Variants in INTS10 observed in about 807,000 individuals in gnomAD.
INTS10 encodes integrator complex subunit 10, also known as chromosome 8 open reading frame 35.
In INTS10, 44 loss-of-function variants were observed where a neutral mutation model predicts 94.4. That is an observed-to-expected ratio of 0.47 (90% CI 0.37 to 0.60). INTS10 has a LOEUF of 0.60. INTS10 is among the 20% of genes least tolerant of loss of function. The probability of loss-of-function intolerance (pLI) is 0.00; values close to 1 mark genes in which losing one functional copy is unlikely to be tolerated. For synonymous variants in INTS10, 341 were observed against 320.7 expected (o/e 1.06, Z -0.68); for missense variants, 797 against 868.7 (o/e 0.92, Z 1.04).
At position 19,844,063 on chromosome 8, in the gene INTS10, C is replaced by A; in HGVS notation, c.1720-13C>A. 2 of 1,574,866 alleles carry A rather than the reference C, an allele frequency of 1.3e-6. No individual in the cohort carries two copies. The highest frequency in any genetic ancestry group is 1.7e-6 in the Non-Finnish European group (2 of 1,160,884). ...CCTTTTCCTTCTGTCTTGTATAAATCTTTGTCTTGCAGCTTAGAGCTTTCA... is the reference window on the plus strand; with the variant it reads ...CCTTTTCCTTCTGTCTTGTATAAATATTTGTCTTGCAGCTTAGAGCTTTCA... On this transcript the variant is annotated splice_polypyrimidine_tract_variant and intron_variant, in intron 14 of 16. Transcript: ENST00000397977.
chr8:19,847,799 G>C (rs576914709), intron 16 of INTS10, among the ~76,000 whole-genome samples: 3 of 152,298 alleles, frequency 2.0e-5, no homozygotes, highest in Admixed American at 2.0e-4. Context: ...GGAGTGTTGG[G>C]TACCAGCTAG....
chr8:19,823,827 G>A lies in INTS10; in HGVS notation c.665-46G>A. 5.5e-6 allele frequency: 8 copies of A among 1,457,888 alleles called. No homozygotes were observed. The Middle Eastern group carries it at 1.1e-3, about 199-fold the overall frequency. The allele number at this position is 1,457,888 out of a possible 1,614,324, so 90.3% of individuals were successfully genotyped here. A position where few individuals can be genotyped will look rare whatever the true frequency, so the allele number is the denominator to read the frequency against. Reference sequence around the variant, plus strand: ...TTCTTTATCAGGTACCATGTCAACAGTAAGTCATAATGTTAATTGTAGGCT... The same window carrying A: ...TTCTTTATCAGGTACCATGTCAACAATAAGTCATAATGTTAATTGTAGGCT... On this transcript the variant is annotated intron_variant, in intron 6 of 16. Transcript: ENST00000397977.
At position 19,851,809 on chromosome 8, in the gene INTS10, G is replaced by T. The variant is rs1351565832; in HGVS notation, c.*4G>T. The T allele has an allele frequency of 6.2e-7, 1 of 1,613,820 alleles. No individual in the cohort carries two copies. Among genetic ancestry groups the T allele is most frequent in the African/African-American group, 1.3e-5 (1 of 75,036 alleles). On this transcript the variant is annotated 3_prime_UTR_variant, in exon 17 of 17. Transcript: ENST00000397977. This position sits in a 1 kb window ranked among gnomAD's most constrained non-coding sequence, Gnocchi z 5.0. ...GCTCCTTCAGACTCTGACCTGAGTG[G>T]AGACCTTTCCACCAGACACAGCTCG...
At chr8:19,821,088 C>A (rs1052273479) in intron 4 of INTS10, 3 of 134,162 alleles carry the variant, frequency 2.2e-5, no homozygotes, top group Non-Finnish European at 4.7e-5. Context: ...TCACTCCATT[C>A]GTTCATACTC....
At chr8:19,823,102 A>G (rs1411606327) in intron 5 of INTS10, among the ~76,000 whole-genome samples, 199 bp from the exon 6 acceptor site, 1 of 152,148 alleles carries the variant, frequency 6.6e-6, no homozygotes, top group African/African-American at 2.4e-5. Context: ...CCACAGCATA[A>G]AAGTGTCTGT....
intron 8 of INTS10, 114 bp downstream of exon 8, chr8:19,825,086 C>T (rs546656685): frequency 1.2e-6 from 1 of 821,312 alleles, no homozygotes; most frequent in Admixed American, 2.6e-5. Context: ...GGGGCAGTAC[C>T]AGTCCTTTTT....
chr8:19,831,243 G>T (rs1477951161), intron 10 of INTS10, among the ~76,000 whole-genome samples: 4 of 152,152 alleles, frequency 2.6e-5, no homozygotes, highest in African/African-American at 9.7e-5. Context: ...AGTAAATTCA[G>T]CACCGTTCAG....
In INTS10 at chr8:19,818,292, C is replaced by CGAGCGGAATGCA; in HGVS notation, c.155_166dup (p.Asn52_Arg55dup). 1 of 1,614,140 alleles carries CGAGCGGAATGCA rather than the reference C, an allele frequency of 6.2e-7. No homozygotes were observed. Among genetic ancestry groups the CGAGCGGAATGCA allele is most frequent in the Non-Finnish European group, 8.5e-7 (1 of 1,180,026 alleles). ...TGTTGCAGTATGAGATGTACACCAT[C>CGAGCGGAATGCA]GAGCGGAATGCAGAGCGGACCGCCA... On this transcript the variant is annotated inframe_insertion, in exon 2 of 17. Coordinates refer to ENST00000397977, the MANE Select transcript of INTS10 (RefSeq NM_018142.4).
At position 19,837,318 on chromosome 8, in the gene INTS10, C is replaced by T. The variant is rs982580002; in HGVS notation, c.1639+158C>T. On this transcript the variant is annotated intron_variant, in intron 13 of 16. Coordinates refer to ENST00000397977, the MANE Select transcript of INTS10 (RefSeq NM_018142.4). ...CAGCCTGGGCAATGTAGTGAGACCCCATCTCTTAAAAAATTTTAAAAAGAA... is the reference window on the plus strand; with the variant it reads ...CAGCCTGGGCAATGTAGTGAGACCCTATCTCTTAAAAAATTTTAAAAAGAA... The T allele has an allele frequency of 8.5e-6, 5 of 588,776 alleles. No individual in the cohort carries two copies. The East Asian group carries it at 1.1e-4, about 13-fold the overall frequency. The allele number at this position is 588,776 out of a possible 1,614,324, so 36.5% of individuals were successfully genotyped here. A position where few individuals can be genotyped will look rare whatever the true frequency, so the allele number is the denominator to read the frequency against.
At chr8:19,820,056 G>A (rs1328227719) in intron 3 of INTS10, among the ~76,000 whole-genome samples, 1 of 152,208 alleles carries the variant, frequency 6.6e-6, no homozygotes, top group Non-Finnish European at 1.5e-5. Flanking sequence ...AGATAAAATA[G>A]CAAGTAGATG....
chr8:19,832,390 A>G (rs1193123223), intron 11 of INTS10, among the ~76,000 whole-genome samples: 1 of 152,102 alleles, frequency 6.6e-6, no homozygotes, highest in South Asian at 2.1e-4. Context: ...CTGGCAGCAT[A>G]GTGAGACCCT....
In INTS10 at chr8:19,844,212, A is replaced by G. The variant is rs1401262843; in HGVS notation, c.1856A>G (p.Tyr619Cys). 6.2e-7 allele frequency: 1 copy of G among 1,612,502 alleles called. No individual in the cohort carries two copies. Among genetic ancestry groups the G allele is most frequent in the Non-Finnish European group, 8.5e-7 (1 of 1,178,632 alleles). ...ATTTGCCAACAAGGAAATTTCCAAT[A>G]TGAGAATTTTTTCAATTACGTTACA... is the stretch of plus-strand genomic sequence containing the variant. ...NKICQQGNFQ[Y>C]ENFFNYVTNI... The change falls in exon 15 of 17, where the codon TAT becomes TGT. Residue 619 changes from tyrosine (Y) to cysteine (C), a missense_variant. Tyr to Cys is a radical substitution (Grantham distance 194). Transcript: ENST00000397977.
chr8:19,850,131 C>G (rs1456829207), intron 16 of INTS10, among the ~76,000 whole-genome samples: 1 of 130,682 alleles, frequency 7.7e-6, no homozygotes, highest in Non-Finnish European at 1.6e-5. Context: ...GATGCCATCT[C>G]AAAAAAAAAA....
intron 10 of INTS10, 97 bp from the exon 11 acceptor site, chr8:19,831,931 G>A (rs549075811): frequency 8.1e-6 from 6 of 744,188 alleles, no homozygotes; most frequent in Admixed American, 5.8e-5. Context: ...TACATTTTTG[G>A]TAGGTTGTCT....
Position 19,846,433 on chromosome 8 carries a change from CA to C in INTS10, c.1976+647del, listed in dbSNP as rs71205949. Among the ~76,000 whole-genome samples, 122,347 of 147,706 alleles carry C rather than the reference CA, an allele frequency of 0.83. 50,543 individuals carry two copies. Among genetic ancestry groups the C allele is most frequent in the African/African-American group, 0.88 (35,168 of 40,036 alleles). On this transcript the variant is annotated intron_variant, in intron 16 of 16. Coordinates refer to ENST00000397977, the MANE Select transcript of INTS10 (RefSeq NM_018142.4). This position sits in a 1 kb window ranked among gnomAD's most constrained non-coding sequence, Gnocchi z 4.2. Reference sequence around the variant, plus strand: ...GGGCAACAAGAGTGAAACTCCATCTCAAAAAAAAAAACAAACAAACAAAACA... The same window carrying C: ...GGGCAACAAGAGTGAAACTCCATCTCAAAAAAAAAACAAACAAACAAAACA...
In INTS10 at chr8:19,849,201, C is replaced by T. The variant is rs2068821424; in HGVS notation, c.1977-2448C>T. On this transcript the variant is annotated intron_variant, in intron 16 of 16. Transcript: ENST00000397977. The surrounding 1 kb of genome is among the most constrained non-coding windows in gnomAD (Gnocchi z 4.6). ...CCATGGGGTTACTGCAGCAGGAATT[C>T]TTACCTGTGCTTCAGCCCAGCATAC... is the stretch of plus-strand genomic sequence containing the variant. The T allele has an allele frequency of 2.3e-6, 3 of 1,289,596 alleles. No homozygotes were observed. Among genetic ancestry groups the T allele is most frequent in the Non-Finnish European group, 3.0e-6 (3 of 988,804 alleles). The allele number at this position is 1,289,596 out of a possible 1,614,324, so 79.9% of individuals were successfully genotyped here.
intron 16 of INTS10, 123 bp downstream of exon 16, chr8:19,845,920 G>C (rs2068543156): frequency 1.8e-6 from 1 of 559,068 alleles, no homozygotes; most frequent in South Asian, 3.1e-5. Context: ...CCTGGTCTCT[G>C]TTATGATAGT....
chr8:19,823,982 GTTGT>G lies in INTS10; in HGVS notation c.777_780del (p.Phe260ArgfsTer3), dbSNP rs1350869040. ...CCCAGATCGTGGACCCTTGGGAGAGGTTGTTTAAGATTTTGAATGTTGTTGGAAT... is the reference window on the plus strand; with the variant it reads ...CCCAGATCGTGGACCCTTGGGAGAGGTTAAGATTTTGAATGTTGTTGGAAT... On this transcript the variant is annotated frameshift_variant, in exon 7 of 17. Transcript: ENST00000397977. LOFTEE classifies it high-confidence loss of function. 3 of 1,613,662 alleles carry G rather than the reference GTTGT, an allele frequency of 1.9e-6. No homozygotes were observed. Among genetic ancestry groups the G allele is most frequent in the Non-Finnish European group, 2.5e-6 (3 of 1,179,738 alleles).
In INTS10 at chr8:19,851,871, A is replaced by G; in HGVS notation, c.*66A>G. ...TTGTAGGAGAAGACACTCAGCAGTG[A>G]TTGCCATGGCACAGAGCCGTGGTCA... On this transcript the variant is annotated 3_prime_UTR_variant, in exon 17 of 17. Coordinates refer to ENST00000397977, the MANE Select transcript of INTS10 (RefSeq NM_018142.4). The surrounding 1 kb of genome is among the most constrained non-coding windows in gnomAD (Gnocchi z 5.0). 2 of 1,421,428 alleles carry G rather than the reference A, an allele frequency of 1.4e-6. No homozygotes were observed. Among genetic ancestry groups the G allele is most frequent in the South Asian group, 2.4e-5 (2 of 85,064 alleles). The allele number at this position is 1,421,428 out of a possible 1,614,324, so 88.1% of individuals were successfully genotyped here.
Sources: gnomAD v4.1 joint callset for allele counts (sites outside exome capture counted in the v4.1 genomes callset) on GRCh38, gnomAD v4.1.1 for gene constraint, Gnocchi (gnomAD v3.1) non-coding constraint, MANE v1.5 for transcripts, NCBI Gene and HGNC (gene_info 2026-07-23, HGNC 2026-07-21) for gene names.